Variants in DPP6 observed in about 807,000 individuals in gnomAD.
The protein encoded by DPP6 is dipeptidyl peptidase like 6.
Under a neutral mutation model 122.6 loss-of-function variants are expected in DPP6, and 69 were observed. That is an observed-to-expected ratio of 0.56 (90% CI 0.46 to 0.69). The LOEUF (loss-of-function observed/expected upper bound fraction) is 0.69, where lower values mean the gene tolerates loss of function less well. Ranked by LOEUF, DPP6 falls within the 30% of genes least tolerant of loss-of-function variation. The pLI, the probability that DPP6 is intolerant of heterozygous loss-of-function variation, is 0.00. For synonymous variants in DPP6, 418 were observed against 433.1 expected, an observed-to-expected ratio of 0.97 and a Z score of 0.43; for missense variants, 928 against 1,116.9, an observed-to-expected ratio of 0.83 and a Z score of 2.41.
At chr7:154,235,685 C>G (rs1801169638) in intron 1 of DPP6, among the ~76,000 whole-genome samples, 1 of 152,102 alleles carries the variant, frequency 6.6e-6, no homozygotes, top group African/African-American at 2.4e-5. Flanking sequence ...GCTAGAATCC[C>G]TGTTTTTCTT....
At chr7:153,783,079 A>G in the DPP6 span, among the ~76,000 whole-genome samples, 8 of 152,336 alleles carry the variant, frequency 5.3e-5, no homozygotes, top group Non-Finnish European at 1.0e-4. Flanking sequence ...AAGGAGAAGC[A>G]GGGAAACTGA....
chr7:154,395,673 A>T (rs1815018795), intron 1 of DPP6, among the ~76,000 whole-genome samples: 1 of 152,122 alleles, frequency 6.6e-6, no homozygotes, highest in South Asian at 2.1e-4. Flanking sequence ...GTTTTTATAT[A>T]TAAAATTGTA....
chr7:154,094,242 C>G (rs540849143), intron 1 of DPP6: 1 of 152,144 alleles, frequency 6.6e-6, no homozygotes, highest in Admixed American at 6.5e-5. Flanking sequence ...GATACAAATT[C>G]ATAAACATTG....
intron 1 of DPP6, among the ~76,000 whole-genome samples, chr7:154,295,647 T>C (rs1490725821): frequency 6.6e-6 from 1 of 151,576 alleles, no homozygotes; most frequent in Non-Finnish European, 1.5e-5. Context: ...TTTTCCTTAT[T>C]TCCCTCATAA....
At chr7:154,583,265 G>T (rs1832202401) in intron 5 of DPP6, among the ~76,000 whole-genome samples, 1 of 152,228 alleles carries the variant, frequency 6.6e-6, no homozygotes, top group Admixed American at 6.5e-5. Flanking sequence ...GTGCCAGCAG[G>T]TCGGTTTCTG....
chr7:154,756,234 C>T (rs1271062734), intron 8 of DPP6, among the ~76,000 whole-genome samples: 3 of 152,128 alleles, frequency 2.0e-5, no homozygotes, highest in African/African-American at 7.2e-5. Context: ...CTCACCAGGC[C>T]CCAGGTCAGA....
chr7:154,387,833 G>A (rs1443321169), intron 1 of DPP6, among the ~76,000 whole-genome samples: 6 of 152,094 alleles, frequency 3.9e-5, no homozygotes, highest in East Asian at 1.9e-4. Context: ...CTCTTTGTAC[G>A]CCATACCTTC....
chr7:153,948,711 T>C (rs1232910057), intron 1 of DPP6, among the ~76,000 whole-genome samples: 3 of 150,506 alleles, frequency 2.0e-5, no homozygotes, highest in Non-Finnish European at 4.4e-5. Context: ...AGGTCCCACT[T>C]ACCTGTCCTC....
At chr7:154,299,965 T>A (rs763750266) in intron 1 of DPP6, among the ~76,000 whole-genome samples, 2 of 152,094 alleles carry the variant, frequency 1.3e-5, no homozygotes, top group Non-Finnish European at 1.5e-5. Context: ...CTCAGACACA[T>A]CTGGAGGGGG....
chr7:154,412,609 T>G (rs1483366360), intron 1 of DPP6, among the ~76,000 whole-genome samples: 1 of 152,260 alleles, frequency 6.6e-6, no homozygotes, highest in African/African-American at 2.4e-5. Flanking sequence ...TGTAGGTTTT[T>G]GGTTATCTCT....
chr7:153,881,659 C>A, the DPP6 span, among the ~76,000 whole-genome samples: 2 of 152,128 alleles, frequency 1.3e-5, no homozygotes, highest in African/African-American at 4.8e-5. Context: ...TTTTGTAGGA[C>A]ACGGCTCACA....
the DPP6 span, among the ~76,000 whole-genome samples, chr7:153,754,076 C>T: frequency 6.6e-6 from 1 of 152,302 alleles, no homozygotes; most frequent in Admixed American, 6.5e-5. Context: ...AGGTATTACA[C>T]TTTGTGGAAA....
chr7:154,411,829 C>T (rs1342877254), intron 1 of DPP6, among the ~76,000 whole-genome samples: 2 of 152,094 alleles, frequency 1.3e-5, no homozygotes, highest in Non-Finnish European at 2.9e-5. Flanking sequence ...GCTAATAATA[C>T]TTATTGCAAG....
intron 5 of DPP6, among the ~76,000 whole-genome samples, chr7:154,571,809 G>A (rs1552729): frequency 0.48 from 73,464 of 151,634 alleles, 19,032 homozygotes; most frequent in East Asian, 0.94. Flanking sequence ...AAACCAATCC[G>A]TTTTAGTTAC....
chr7:154,258,681 C>T (rs1802814308), intron 1 of DPP6, among the ~76,000 whole-genome samples: 1 of 152,116 alleles, frequency 6.6e-6, no homozygotes, highest in Admixed American at 6.5e-5. Flanking sequence ...CCTCAGGGCC[C>T]CTGGAACAGG....
the DPP6 span, among the ~76,000 whole-genome samples, chr7:153,834,873 G>A: frequency 6.6e-6 from 1 of 152,246 alleles, no homozygotes; most frequent in Admixed American, 6.5e-5. Flanking sequence ...AATATAGCTG[G>A]AGCATTTGTA....
At chr7:153,998,447 C>T (rs1041683470) in intron 1 of DPP6, among the ~76,000 whole-genome samples, 4 of 152,160 alleles carry the variant, frequency 2.6e-5, no homozygotes, top group Admixed American at 2.0e-4. Flanking sequence ...AGCTGTCATC[C>T]CAGACCCTTA....
intron 18 of DPP6, 47 bp downstream of exon 18, chr7:154,868,140 G>A (rs952441391): frequency 3.2e-6 from 5 of 1,553,388 alleles, no homozygotes; most frequent in Non-Finnish European, 4.4e-6. Context: ...AAAAGAAAAC[G>A]TGGGCTGTGA....
At chr7:154,748,152 C>G (rs561344341) in intron 8 of DPP6, among the ~76,000 whole-genome samples, 1 of 152,146 alleles carries the variant, frequency 6.6e-6, no homozygotes, top group African/African-American at 2.4e-5. Flanking sequence ...GACAGCAGCC[C>G]ATGTAGAGGG....
Sources: gnomAD v4.1 joint callset for allele counts (sites outside exome capture counted in the v4.1 genomes callset) on GRCh38, gnomAD v4.1.1 for gene constraint, MANE v1.5 for transcripts, NCBI Gene and HGNC (gene_info 2026-07-23, HGNC 2026-07-21) for gene names.